The following FARP2 variants were observed in gnomAD, a reference collection of about 807,000 sequenced individuals.
The protein encoded by FARP2 is FERM, ARH/RhoGEF and pleckstrin domain protein 2, also known as FERM, ARHGEF and pleckstrin domain-containing protein 2.
FARP2 carries 111 observed loss-of-function variants against 130.5 expected under a neutral mutation model. That is an observed-to-expected ratio of 0.85 (90% CI 0.73 to 1.00). The LOEUF (loss-of-function observed/expected upper bound fraction) is 1.00, where lower values mean the gene tolerates loss of function less well. FARP2 is among the 50% of genes least tolerant of loss of function. The pLI, the probability that FARP2 is intolerant of heterozygous loss-of-function variation, is 0.00. For missense variants in FARP2, 1,385 were observed against 1,346.3 expected (o/e 1.03, Z -0.45); for synonymous variants, 504 against 516.9 (o/e 0.98, Z 0.34).
intron 11 of FARP2, among the ~76,000 whole-genome samples, chr2:241,436,230 A>C (rs962855956): frequency 1.3e-5 from 2 of 151,964 alleles, no homozygotes; most frequent in Non-Finnish European, 2.9e-5. Flanking sequence ...TTTAATCTGA[A>C]AATTCTTGTT....
intron 2 of FARP2, among the ~76,000 whole-genome samples, chr2:241,381,321 T>C (rs1206120768): frequency 6.6e-6 from 1 of 152,070 alleles, no homozygotes; most frequent in East Asian, 1.9e-4. Context: ...CTGCTTGTTG[T>C]TGTATTGTGG....
intron 24 of FARP2, 189 bp from the exon 25 acceptor site, chr2:241,492,740 A>ACTC (rs2124922963): frequency 5.4e-6 from 3 of 555,296 alleles, no homozygotes; most frequent in African/African-American, 1.9e-5. Context: ...CTGGAATGTC[A>ACTC]CTCTAGGTTT....
intron 2 of FARP2, among the ~76,000 whole-genome samples, chr2:241,402,881 T>TATATATATGTATATATA (rs71049574): frequency 1.0e-4 from 1 of 9,826 alleles, no homozygotes; most frequent in Non-Finnish European, 1.6e-4. Context: ...TATATATATA[T>TATATATATGTATATATA]TTTTTTTTTT....
At chr2:241,390,241 C>T (rs1327382859) in intron 2 of FARP2, among the ~76,000 whole-genome samples, 1 of 152,188 alleles carries the variant, frequency 6.6e-6, no homozygotes, top group African/African-American at 2.4e-5. Flanking sequence ...TTGAGAGTTC[C>T]TACTTTTGCT....
intron 14 of FARP2, among the ~76,000 whole-genome samples, chr2:241,461,305 G>A (rs1377771828): frequency 6.6e-6 from 1 of 151,410 alleles, no homozygotes; most frequent in East Asian, 1.9e-4. Context: ...GTGCTGTCTC[G>A]CCGGGTGGTG....
At chr2:241,469,896 G>A (rs897026594) in intron 18 of FARP2, among the ~76,000 whole-genome samples, 6 of 152,224 alleles carry the variant, frequency 3.9e-5, no homozygotes, top group Admixed American at 1.3e-4. Flanking sequence ...CCTCTGTGAA[G>A]CTGTTTGTGA....
At chr2:241,391,476 T>C (rs1021384224) in intron 2 of FARP2, among the ~76,000 whole-genome samples, 6 of 152,304 alleles carry the variant, frequency 3.9e-5, no homozygotes, top group African/African-American at 1.4e-4. Context: ...CACCTGCTTT[T>C]GTGCTCAGAT....
Position 241,441,286 on chromosome 2 carries a change from C to A in FARP2, c.1159-18C>A, listed in dbSNP as rs368789874. 6.5e-7 allele frequency: 1 copy of A among 1,546,130 alleles called. No homozygotes were observed. Among genetic ancestry groups the A allele is most frequent in the Non-Finnish European group, 8.7e-7 (1 of 1,147,474 alleles). ...TAATTTTATATCCTTTTTTTCTTTTCTTAACTTTGGTTCCCAGAGCATCTC... is the reference window on the plus strand; with the variant it reads ...TAATTTTATATCCTTTTTTTCTTTTATTAACTTTGGTTCCCAGAGCATCTC... On this transcript the variant is annotated intron_variant, in intron 12 of 26. Transcript: ENST00000264042.
At chr2:241,453,524 A>G (rs961162144) in intron 13 of FARP2, among the ~76,000 whole-genome samples, 25 of 151,510 alleles carry the variant, frequency 1.7e-4, no homozygotes, top group African/African-American at 4.1e-4. Flanking sequence ...CGGGAGGCTG[A>G]GGCAGGAGAA....
At chr2:241,423,514 A>G (rs1279044592) in intron 8 of FARP2, among the ~76,000 whole-genome samples, 5 of 152,250 alleles carry the variant, frequency 3.3e-5, no homozygotes, top group Admixed American at 3.3e-4. Flanking sequence ...AACACACTGA[A>G]ATACATAGAC....
chr2:241,441,811 A>T (rs1347235147), intron 13 of FARP2: 4 of 589,572 alleles, frequency 6.8e-6, no homozygotes, highest in Non-Finnish European at 1.2e-5. Context: ...TGAGGAGTTC[A>T]TAGACGATGA....
chr2:241,418,105 T>G lies in FARP2; in HGVS notation c.767T>G (p.Phe256Cys). ...GTTTCCCACATGGGTGTACTCGTGT[T>G]CCAGGTAGGCCAGTGGGGAAGGGAG... ...LAVSHMGVLV[F>C]QGTTKINTFN... Residue 256 changes from phenylalanine (F) to cysteine (C), a missense_variant, in exon 8 of 27, where the codon TTC (phenylalanine) becomes TGC (cysteine). Phe to Cys is a radical substitution (Grantham distance 205). Coordinates refer to ENST00000264042, the MANE Select transcript of FARP2 (RefSeq NM_014808.4). The G allele has an allele frequency of 6.2e-7, 1 of 1,614,160 alleles. No homozygotes were observed.
At chr2:241,450,672 A>T (rs78478962) in intron 13 of FARP2, among the ~76,000 whole-genome samples, 1 of 150,680 alleles carries the variant, frequency 6.6e-6, no homozygotes, top group Non-Finnish European at 1.5e-5. Context: ...ACTCAGTCTC[A>T]AAAAAGGCTG....
intron 2 of FARP2, among the ~76,000 whole-genome samples, chr2:241,399,994 A>G (rs1029631705): frequency 6.6e-5 from 10 of 152,030 alleles, no homozygotes; most frequent in African/African-American, 2.4e-4. Context: ...ATAACTGTGA[A>G]TTTTTGTGCC....
chr2:241,366,102 AAAAT>A (rs1269444592), intron 1 of FARP2, among the ~76,000 whole-genome samples: 3 of 34,728 alleles, frequency 8.6e-5, no homozygotes, highest in African/African-American at 2.4e-4. Flanking sequence ...TAAAAAAAAA[AAAAT>A]ATATATATAT....
At chr2:241,377,892 C>T (rs12615008) in intron 2 of FARP2, among the ~76,000 whole-genome samples, 5,066 of 152,232 alleles carry the variant, frequency 0.033, 507 homozygotes, top group Admixed American at 0.19. Context: ...TGCTGGGTCA[C>T]ATGGGAAATC....
chr2:241,434,673 G>A (rs1391213167), intron 10 of FARP2, among the ~76,000 whole-genome samples: 1 of 152,114 alleles, frequency 6.6e-6, no homozygotes, highest in Non-Finnish European at 1.5e-5. Context: ...CCAACATGGT[G>A]AAACCCCATC....
chr2:241,493,081 C>A, intron 25 of FARP2, 45 bp downstream of exon 25: 2 of 1,217,006 alleles, frequency 1.6e-6, no homozygotes, highest in Non-Finnish European at 2.4e-6. Flanking sequence ...TGCTAGCAGA[C>A]AGACACTTAA....
chr2:241,373,235 A>C lies in FARP2; in HGVS notation c.128A>C (p.His43Pro), dbSNP rs745970154. The change falls in exon 2 of 27, where the codon CAC becomes CCC. Residue 43 changes from histidine to proline, a missense_variant. Transcript: ENST00000264042. ...CTCTTGCCCAGAATGCAAGAGAAGCACCTGCACCTCAGAGTAAAGCTGCTG... is the reference window on the plus strand; with the variant it reads ...CTCTTGCCCAGAATGCAAGAGAAGCCCCTGCACCTCAGAGTAAAGCTGCTG... The part of the protein sequence containing the change: ...QTLLPRMQEK[H>P]LHLRVKLLDN... 4.5e-6 allele frequency: 7 copies of C among 1,559,912 alleles called. No individual in the cohort carries two copies. The Admixed American group carries it at 1.3e-4, about 28-fold the overall frequency.
Sources: gnomAD v4.1 joint callset for allele counts (sites outside exome capture counted in the v4.1 genomes callset) on GRCh38, gnomAD v4.1.1 for gene constraint, MANE v1.5 for transcripts, NCBI Gene and HGNC (gene_info 2026-07-23, HGNC 2026-07-21) for gene names.